MCTP1: variants seen among roughly 807,000 people sequenced by gnomAD.
MCTP1 encodes the protein multiple C2 and transmembrane domain-containing protein 1.
MCTP1 carries 69 observed loss-of-function variants against 120.6 expected under a neutral mutation model. The observed-to-expected ratio is 0.57, with a 90% confidence interval of 0.47 to 0.70. The LOEUF (loss-of-function observed/expected upper bound fraction) is 0.70, where lower values mean the gene tolerates loss of function less well. Among genes scored for constraint, MCTP1 ranks in the 30% least tolerant of loss-of-function variants. MCTP1 has a pLI of 0.00. For missense variants in MCTP1, 1,203 were observed against 1,248.8 expected (o/e 0.96, Z 0.55); for synonymous variants, 529 against 493.1 (o/e 1.07, Z -0.96).
chr5:94,836,179 CAAAAAAAAAA>C (rs35396232), intron 17 of MCTP1, among the ~76,000 whole-genome samples: 2 of 65,962 alleles, frequency 3.0e-5, no homozygotes, highest in African/African-American at 6.5e-5. Flanking sequence ...GACTCCGTCT[CAAAAAAAAAA>C]AAAAAAAAAA....
chr5:95,149,977 T>C (rs964605341), intron 1 of MCTP1, among the ~76,000 whole-genome samples: 10 of 152,150 alleles, frequency 6.6e-5, no homozygotes, highest in African/African-American at 2.4e-4. Flanking sequence ...CTCTTCTCTG[T>C]TCTCCATGTG....
chr5:94,707,193 T>TTAGA lies in MCTP1; in HGVS notation c.*299_*302dup, dbSNP rs1165486700. ...AGGTGAGTATTTAATCCACTAGTAATTAGATAAGAATATATCTTCCAGTGT... is the reference window on the plus strand; with the variant it reads ...AGGTGAGTATTTAATCCACTAGTAATTAGATAGATAAGAATATATCTTCCAGTGT... On this transcript the variant is annotated 3_prime_UTR_variant, in exon 23 of 23. Coordinates refer to ENST00000515393, the MANE Select transcript of MCTP1 (RefSeq NM_024717.7). 1.7e-5 allele frequency: 4 copies of TTAGA among 233,340 alleles called. No homozygotes were observed. The highest frequency in any genetic ancestry group is 3.3e-5 in the Non-Finnish European group (4 of 121,584). The allele number at this position is 233,340 out of a possible 1,614,324, so 14.5% of individuals were successfully genotyped here. A position where few individuals can be genotyped will look rare whatever the true frequency, so the allele number is the denominator to read the frequency against.
Position 94,924,887 on chromosome 5 carries a change from A to G in MCTP1, c.1213-866T>C, listed in dbSNP as rs527369289. Among the ~76,000 whole-genome samples the G allele has an allele frequency of 2.0e-5, 3 of 152,314 alleles. No homozygotes were observed. In the East Asian group the frequency reaches 5.8e-4, roughly 29 times the overall value. On this transcript the variant is annotated intron_variant, in intron 6 of 22. Coordinates refer to ENST00000515393, the MANE Select transcript of MCTP1 (RefSeq NM_024717.7). Reference sequence around the variant, plus strand: ...ATTCTATGATTTTGTGTCAGCAATTAAGATTTTGGAGGCGAGGTGGGAATT... The same window carrying G: ...ATTCTATGATTTTGTGTCAGCAATTGAGATTTTGGAGGCGAGGTGGGAATT...
At chr5:94,730,839 C>A (rs1027531421) in intron 19 of MCTP1, among the ~76,000 whole-genome samples, 1 of 152,126 alleles carries the variant, frequency 6.6e-6, no homozygotes, top group Non-Finnish European at 1.5e-5. Flanking sequence ...CATTTGGGAA[C>A]CTCTATAATA....
At position 94,877,012 on chromosome 5, in the gene MCTP1, A is replaced by G. The variant is rs546545171; in HGVS notation, c.1934-3771T>C. On this transcript the variant is annotated intron_variant, in intron 12 of 22. Coordinates refer to ENST00000515393, the MANE Select transcript of MCTP1 (RefSeq NM_024717.7). The stretch of plus-strand genomic sequence containing the variant: ...ATACACAATTATGAGGCAGAGTTGT[A>G]AGGGCTGTAATAAAGGTAAGTGAAG... Among the ~76,000 whole-genome samples the G allele has an allele frequency of 1.3e-3, 197 of 152,094 alleles. 1 individual carries two copies. Among genetic ancestry groups the G allele is most frequent in the African/African-American group, 4.3e-3 (177 of 41,528 alleles).
At chr5:94,782,379 AATG>A (rs781497910) in intron 18 of MCTP1, among the ~76,000 whole-genome samples, 2 of 152,130 alleles carry the variant, frequency 1.3e-5, no homozygotes, top group Non-Finnish European at 2.9e-5. Flanking sequence ...TCCAAATTAA[AATG>A]ATGATGCTTT....
intron 1 of MCTP1, among the ~76,000 whole-genome samples, chr5:95,213,789 G>T (rs1183209983): frequency 6.6e-6 from 1 of 152,248 alleles, no homozygotes; most frequent in African/African-American, 2.4e-5. Flanking sequence ...AATAAATGGT[G>T]CTGGGAAAAT....
chr5:94,831,160 A>G (rs375154832), intron 17 of MCTP1, among the ~76,000 whole-genome samples: 1 of 152,218 alleles, frequency 6.6e-6, no homozygotes, highest in South Asian at 2.1e-4. Flanking sequence ...AACATGCCGC[A>G]TTGCCAATAG....
chr5:95,249,846 T>A (rs1393459036), intron 1 of MCTP1, among the ~76,000 whole-genome samples: 3 of 152,212 alleles, frequency 2.0e-5, no homozygotes, highest in African/African-American at 7.2e-5. Flanking sequence ...GATGAGTTCA[T>A]ATCCTTTGCA....
At chr5:95,131,930 T>C (rs1024268332) in intron 1 of MCTP1, among the ~76,000 whole-genome samples, 1 of 152,232 alleles carries the variant, frequency 6.6e-6, no homozygotes, top group African/African-American at 2.4e-5. Flanking sequence ...ATTCCAATTA[T>C]GCTATTACTC....
intron 19 of MCTP1, among the ~76,000 whole-genome samples, chr5:94,752,108 A>AATATATAT (rs146434254): frequency 0.019 from 1,438 of 75,518 alleles, 103 homozygotes; most frequent in Non-Finnish European, 0.032. Flanking sequence ...TAAATAATAA[A>AATATATAT]ATATATATAT....
intron 1 of MCTP1, among the ~76,000 whole-genome samples, chr5:95,158,504 T>C (rs1224299791): frequency 6.6e-6 from 1 of 152,216 alleles, no homozygotes; most frequent in Non-Finnish European, 1.5e-5. Context: ...TTAAGAAGGA[T>C]GCCATTGTTA....
intron 1 of MCTP1, among the ~76,000 whole-genome samples, chr5:95,243,615 T>C (rs1756417792): frequency 6.6e-6 from 1 of 152,162 alleles, no homozygotes; most frequent in African/African-American, 2.4e-5. Context: ...AAATTCTGGC[T>C]CTAGTTGGAG....
At chr5:94,807,536 G>A (rs183768960) in intron 17 of MCTP1, among the ~76,000 whole-genome samples, 3 of 152,294 alleles carry the variant, frequency 2.0e-5, no homozygotes, top group Non-Finnish European at 4.4e-5. Flanking sequence ...AGCACTGTTT[G>A]TGAATTAACC....
At chr5:94,942,560 G>T in intron 3 of MCTP1, 133 bp from the exon 4 acceptor site, 1 of 552,350 alleles carries the variant, frequency 1.8e-6, no homozygotes, top group East Asian at 3.3e-5. Flanking sequence ...TAAAATAATT[G>T]TTTTTGTACT....
intron 1 of MCTP1, among the ~76,000 whole-genome samples, chr5:95,201,884 T>C (rs1018268969): frequency 1.3e-5 from 2 of 152,234 alleles, no homozygotes; most frequent in Non-Finnish European, 2.9e-5. Flanking sequence ...TATTTATTTT[T>C]CTTTAATTTC....
intron 17 of MCTP1, among the ~76,000 whole-genome samples, chr5:94,823,178 T>TTAG (rs1344108237): frequency 6.6e-6 from 1 of 152,238 alleles, no homozygotes; most frequent in Admixed American, 6.5e-5. Context: ...TTTTATGGTT[T>TTAG]TAGGTCTTAC....
At chr5:94,911,768 T>C (rs182793357) in intron 9 of MCTP1, among the ~76,000 whole-genome samples, 2 of 152,260 alleles carry the variant, frequency 1.3e-5, no homozygotes, top group East Asian at 3.9e-4. Context: ...CATTATTACT[T>C]ATATTACTAA....
chr5:95,003,306 A>T (rs747176789), intron 2 of MCTP1, among the ~76,000 whole-genome samples: 1 of 152,210 alleles, frequency 6.6e-6, no homozygotes, highest in Non-Finnish European at 1.5e-5. Flanking sequence ...AGATATACAA[A>T]TACTTGCAAT....
Sources: gnomAD v4.1 joint callset for allele counts (sites outside exome capture counted in the v4.1 genomes callset) on GRCh38, gnomAD v4.1.1 for gene constraint, MANE v1.5 for transcripts, NCBI Gene and HGNC (gene_info 2026-07-23, HGNC 2026-07-21) for gene names.